The following RFC3 variants were observed in gnomAD, a reference collection of about 807,000 sequenced individuals.
The protein encoded by RFC3 is replication factor C subunit 3.
RFC3 carries 41 observed loss-of-function variants against 45.1 expected under a neutral mutation model. That is an observed-to-expected ratio of 0.91 (90% CI 0.71 to 1.18). RFC3 has a LOEUF of 1.18. Ranked by LOEUF, RFC3 falls within the 50% of genes most tolerant of loss-of-function variation. The pLI is 0.00. For synonymous variants in RFC3, 149 were observed against 144.0 expected (o/e 1.03, Z -0.25); for missense variants, 423 against 428.1 (o/e 0.99, Z 0.10).
intron 8 of RFC3, among the ~76,000 whole-genome samples, chr13:33,899,033 G>A (rs1016692155): frequency 6.6e-6 from 1 of 151,278 alleles, no homozygotes; most frequent in Non-Finnish European, 1.5e-5. Flanking sequence ...TCAAATAAAA[G>A]TATATGACCT....
chr13:33,850,684 T>C (rs1368517762), intron 8 of RFC3: 2 of 152,166 alleles, frequency 1.3e-5, no homozygotes, highest in Non-Finnish European at 2.9e-5. Context: ...AACATAAGTA[T>C]TGTTTTGAAA....
intron 8 of RFC3, among the ~76,000 whole-genome samples, chr13:33,881,696 G>T (rs916429399): frequency 6.6e-6 from 1 of 151,886 alleles, no homozygotes; most frequent in Non-Finnish European, 1.5e-5. Context: ...CGTTCCCTCT[G>T]TCCCTGTTCT....
intron 8 of RFC3, among the ~76,000 whole-genome samples, chr13:33,938,184 C>CAAAAAAAAAAAAAAAAAAAAAA (rs34685731): frequency 7.1e-5 from 5 of 70,782 alleles, no homozygotes; most frequent in Admixed American, 1.8e-4. Flanking sequence ...AGTCCAACTG[C>CAAAAAAAAAAAAAAAAAAAAAA]AAAAAAAAAA....
intron 1 of RFC3, among the ~76,000 whole-genome samples, chr13:33,820,769 A>G (rs938005047): frequency 6.6e-6 from 1 of 152,124 alleles, no homozygotes; most frequent in South Asian, 2.1e-4. Context: ...TTTATTTTAA[A>G]AAGTTTTCTA....
chr13:33,894,886 TA>T (rs1254787809), intron 8 of RFC3, among the ~76,000 whole-genome samples: 2 of 152,072 alleles, frequency 1.3e-5, no homozygotes, highest in East Asian at 3.9e-4. Context: ...GACAAAGTAT[TA>T]AAAAAACATA....
At chr13:33,976,282 A>G in the RFC3 span, among the ~76,000 whole-genome samples, 1 of 152,204 alleles carries the variant, frequency 6.6e-6, no homozygotes, top group Non-Finnish European at 1.5e-5. Context: ...TTGTAGCAAC[A>G]TAAATGGAAC....
At chr13:33,869,775 C>T (rs369006053) in intron 8 of RFC3, among the ~76,000 whole-genome samples, 3 of 152,174 alleles carry the variant, frequency 2.0e-5, no homozygotes, top group African/African-American at 7.2e-5. Flanking sequence ...GAGAGTTAAT[C>T]TTTTCCTAGC....
At chr13:33,919,809 A>G (rs2082756458) in intron 8 of RFC3, among the ~76,000 whole-genome samples, 1 of 152,176 alleles carries the variant, frequency 6.6e-6, no homozygotes, top group African/African-American at 2.4e-5. Flanking sequence ...CATGGAGGAT[A>G]TAGGCTGAGG....
chr13:33,939,793 G>T (rs1207561369), intron 8 of RFC3, among the ~76,000 whole-genome samples: 1 of 152,108 alleles, frequency 6.6e-6, no homozygotes, highest in East Asian at 1.9e-4. Context: ...TGAAGTTTTG[G>T]ACACCCAGCT....
At chr13:33,856,693 G>C (rs2082310859) in intron 8 of RFC3, among the ~76,000 whole-genome samples, 1 of 152,158 alleles carries the variant, frequency 6.6e-6, no homozygotes, top group African/African-American at 2.4e-5. Context: ...GGTCCTGGTA[G>C]CTCTGGTTCT....
chr13:33,877,342 TA>T (rs944184270), intron 8 of RFC3, among the ~76,000 whole-genome samples: 3 of 152,206 alleles, frequency 2.0e-5, no homozygotes, highest in Non-Finnish European at 2.9e-5. Context: ...ATTCTTTCAT[TA>T]AATGATCACA....
chr13:33,927,519 T>C (rs560057148), intron 8 of RFC3, among the ~76,000 whole-genome samples: 3 of 152,226 alleles, frequency 2.0e-5, no homozygotes, highest in Admixed American at 1.3e-4. Context: ...AGTGTTTTTG[T>C]TTAAGAGGCC....
chr13:33,871,079 T>G (rs2082404454), intron 8 of RFC3, among the ~76,000 whole-genome samples: 1 of 152,218 alleles, frequency 6.6e-6, no homozygotes, highest in African/African-American at 2.4e-5. Flanking sequence ...GCAGTGTGAC[T>G]TATTTAAAAT....
intron 8 of RFC3, among the ~76,000 whole-genome samples, chr13:33,866,909 TATTC>T: frequency 6.6e-6 from 1 of 152,230 alleles, no homozygotes; most frequent in East Asian, 1.9e-4. Flanking sequence ...TGAACATGGT[TATTC>T]ATTCTTGTAC....
At chr13:33,821,433 T>A (rs780719905) in intron 2 of RFC3, among the ~76,000 whole-genome samples, 164 bp downstream of exon 2, 1 of 152,154 alleles carries the variant, frequency 6.6e-6, no homozygotes, top group Non-Finnish European at 1.5e-5. Context: ...TATGGATCTG[T>A]TATAACCAGA....
At chr13:33,945,374 T>C (rs2082948532) in intron 8 of RFC3, among the ~76,000 whole-genome samples, 1 of 152,166 alleles carries the variant, frequency 6.6e-6, no homozygotes, top group African/African-American at 2.4e-5. Context: ...GATTCTTAGA[T>C]ACAGTTTGCA....
chr13:33,941,739 C>G (rs1052930973), intron 8 of RFC3, among the ~76,000 whole-genome samples: 1 of 144,776 alleles, frequency 6.9e-6, no homozygotes, highest in African/African-American at 2.6e-5. Context: ...TTTTTTTTTT[C>G]TTCTTAGTGT....
intron 8 of RFC3, among the ~76,000 whole-genome samples, chr13:33,860,652 G>T (rs940770949): frequency 1.3e-5 from 2 of 152,222 alleles, no homozygotes; most frequent in East Asian, 3.9e-4. Context: ...TTCTTTCCCT[G>T]CAGGCCAAGG....
intron 8 of RFC3, among the ~76,000 whole-genome samples, chr13:33,955,917 TGAA>T (rs534963201): frequency 1.4e-3 from 212 of 152,346 alleles, no homozygotes; most frequent in Non-Finnish European, 2.6e-3. Flanking sequence ...TTCCAAATGT[TGAA>T]GAAGGAGCCT....
Sources: gnomAD v4.1 joint callset for allele counts (sites outside exome capture counted in the v4.1 genomes callset) on GRCh38, gnomAD v4.1.1 for gene constraint, MANE v1.5 for transcripts, NCBI Gene and HGNC (gene_info 2026-07-23, HGNC 2026-07-21) for gene names.